GRB10: variants seen among roughly 807,000 people sequenced by gnomAD.
GRB10 encodes the protein growth factor receptor bound protein 10.
Under a neutral mutation model 80.9 loss-of-function variants are expected in GRB10, and 20 were observed. The ratio of observed to expected loss-of-function variants is 0.25; its 90% confidence interval spans 0.17 to 0.36. The LOEUF (loss-of-function observed/expected upper bound fraction) is 0.36. Ranked by LOEUF, GRB10 falls within the 10% of genes least tolerant of loss-of-function variation. The pLI is 1.00. For missense variants in GRB10, 548 were observed against 747.7 expected (o/e 0.73, Z 3.12); for synonymous variants, 291 against 291.5 (o/e 1.00, Z 0.02).
intron 7 of GRB10, among the ~76,000 whole-genome samples, chr7:50,639,749 C>A (rs2055857709): frequency 6.6e-6 from 1 of 151,840 alleles, no homozygotes; most frequent in African/African-American, 2.4e-5. Flanking sequence ...GTCTCACTGG[C>A]TAAGGGGGTG....
intron 1 of GRB10, chr7:50,792,379 A>G (rs1226162224): frequency 2.5e-6 from 1 of 398,010 alleles, no homozygotes; most frequent in Non-Finnish European, 4.4e-6. Flanking sequence ...AAAGCAAACC[A>G]TAAAAAGTTC....
At chr7:50,615,020 G>A (rs2050315841) in intron 11 of GRB10, 140 bp from the exon 12 acceptor site, 3 of 697,826 alleles carry the variant, frequency 4.3e-6, no homozygotes, top group Non-Finnish European at 2.6e-6. Flanking sequence ...TGATTATTAC[G>A]CGAGGTGTAA....
chr7:50,654,178 C>T (rs1015987000), intron 7 of GRB10, among the ~76,000 whole-genome samples: 1 of 152,198 alleles, frequency 6.6e-6, no homozygotes, highest in African/African-American at 2.4e-5. Flanking sequence ...AAGGAAGCAG[C>T]AGCATGTCCC....
Position 50,592,902 on chromosome 7 carries a change from T to G in GRB10, c.*50A>C. On this transcript the variant is annotated 3_prime_UTR_variant, in exon 19 of 19. Transcript: ENST00000401949. ...CTTCACCAACGCACAGACCGCTTCT[T>G]CACTCCAGTGTTCACTTCCTCCAGT... 1 of 1,605,868 alleles carries G rather than the reference T, an allele frequency of 6.2e-7. No individual in the cohort carries two copies. The highest frequency in any genetic ancestry group is 8.5e-7 in the Non-Finnish European group (1 of 1,172,812).
intron 5 of GRB10, among the ~76,000 whole-genome samples, chr7:50,678,039 A>G (rs540383264): frequency 6.6e-6 from 1 of 152,216 alleles, no homozygotes; most frequent in Admixed American, 6.5e-5. Context: ...ATGTGCAGTT[A>G]TTTCTCTCTA....
At chr7:50,638,647 A>T (rs1362670219) in intron 7 of GRB10, among the ~76,000 whole-genome samples, 3 of 152,228 alleles carry the variant, frequency 2.0e-5, no homozygotes, top group Non-Finnish European at 4.4e-5. Context: ...GTTGGTGGGA[A>T]TGTAAATTAA....
At chr7:50,663,346 C>G (rs2153630845) in intron 7 of GRB10, among the ~76,000 whole-genome samples, 1 of 152,320 alleles carries the variant, frequency 6.6e-6, no homozygotes, top group Non-Finnish European at 1.5e-5. Context: ...GGAGGCATCC[C>G]TCCCATGTGT....
chr7:50,677,707 T>TA (rs2061106614), intron 5 of GRB10, among the ~76,000 whole-genome samples: 1 of 152,196 alleles, frequency 6.6e-6, no homozygotes, highest in Non-Finnish European at 1.5e-5. Flanking sequence ...ACTCTTAACT[T>TA]ACCGTATTAA....
intron 1 of GRB10, among the ~76,000 whole-genome samples, chr7:50,788,298 C>T (rs1440192327): frequency 6.6e-6 from 1 of 152,150 alleles, no homozygotes; most frequent in Non-Finnish European, 1.5e-5. Context: ...GGGGACCTGC[C>T]ATCTCAGTGG....
intron 7 of GRB10, among the ~76,000 whole-genome samples, chr7:50,633,374 T>A (rs1349086678): frequency 6.6e-6 from 1 of 151,900 alleles, no homozygotes; most frequent in Non-Finnish European, 1.5e-5. Flanking sequence ...TTAACCAACA[T>A]ACAGAACAGT....
intron 4 of GRB10, among the ~76,000 whole-genome samples, chr7:50,721,911 G>T (rs2067813314): frequency 6.6e-6 from 1 of 152,244 alleles, no homozygotes; most frequent in Non-Finnish European, 1.5e-5. Context: ...GAAGTCCAGG[G>T]AAATGGCCCA....
At chr7:50,626,113 A>G (rs2052838171) in intron 8 of GRB10, among the ~76,000 whole-genome samples, 2 of 152,226 alleles carry the variant, frequency 1.3e-5, no homozygotes, top group Non-Finnish European at 2.9e-5. Flanking sequence ...AAAAGTCTGA[A>G]AAGCTTTTTT....
intron 5 of GRB10, among the ~76,000 whole-genome samples, chr7:50,692,210 C>T (rs1440726299): frequency 6.6e-6 from 1 of 152,006 alleles, no homozygotes; most frequent in African/African-American, 2.4e-5. Context: ...AATACTATGC[C>T]ATTTTACATC....
At chr7:50,686,359 A>C (rs549658164) in intron 5 of GRB10, among the ~76,000 whole-genome samples, 171 of 152,322 alleles carry the variant, frequency 1.1e-3, no homozygotes, top group African/African-American at 4.1e-3. Context: ...CCAGCCTCCA[A>C]AGCTGGGAGA....
At chr7:50,606,650 A>T (rs1276954490) in intron 13 of GRB10, 2 of 557,620 alleles carry the variant, frequency 3.6e-6, no homozygotes, top group African/African-American at 3.8e-5. Context: ...CTTACCTACT[A>T]GTGGCCTACT....
Position 50,618,006 on chromosome 7 carries a change from T to C in GRB10, c.846+65A>G, listed in dbSNP as rs376471267. 21 of 1,278,626 alleles carry C rather than the reference T, an allele frequency of 1.6e-5. No homozygotes were observed. The African/African-American group carries it at 2.3e-4, about 14-fold the overall frequency. 79.2% of individuals were successfully genotyped at this position (1,278,626 alleles called of 1,614,324 possible). ...CTTTAGGTTTTTTACAATGCTGCCA[T>C]TCAGTTCCAAGAGGATTTCTATTCA... is the stretch of plus-strand genomic sequence containing the variant. On this transcript the variant is annotated intron_variant, in intron 10 of 18. Coordinates refer to ENST00000401949, the MANE Select transcript of GRB10 (RefSeq NM_001350814.2).
intron 14 of GRB10, among the ~76,000 whole-genome samples, chr7:50,605,740 G>C (rs952985127): frequency 6.6e-6 from 1 of 152,124 alleles, no homozygotes; most frequent in Non-Finnish European, 1.5e-5. Flanking sequence ...CAACAGCCAG[G>C]GTGAGCCTAG....
At chr7:50,704,639 G>C (rs149431697) in intron 4 of GRB10, among the ~76,000 whole-genome samples, 1 of 152,338 alleles carries the variant, frequency 6.6e-6, no homozygotes, top group East Asian at 1.9e-4. Flanking sequence ...AAAAGTATAA[G>C]ATGTGCCCCA....
chr7:50,793,314 C>A (rs1428083677), exon 1 of GRB10: 1 of 146,120 alleles, frequency 6.8e-6, no homozygotes, highest in Non-Finnish European at 1.5e-5. Flanking sequence ...GGGGCGAGGC[C>A]GGCGCTCAAG....
Sources: allele counts gnomAD v4.1 joint callset (sites outside exome capture counted in the v4.1 genomes callset), GRCh38; gene constraint gnomAD v4.1.1; transcripts MANE v1.5; gene names NCBI Gene and HGNC (gene_info 2026-07-23, HGNC 2026-07-21).